Variants in CNTNAP5 observed in about 807,000 individuals in gnomAD.
CNTNAP5 encodes contactin associated protein family member 5.
CNTNAP5 carries 72 observed loss-of-function variants against 150.2 expected under a neutral mutation model. The ratio of observed to expected loss-of-function variants is 0.48; its 90% CI spans 0.40 to 0.58. The LOEUF (loss-of-function observed/expected upper bound fraction) is 0.58, where lower values mean the gene tolerates loss of function less well. Ranked by LOEUF, CNTNAP5 falls within the 20% of genes least tolerant of loss-of-function variation. The probability of loss-of-function intolerance (pLI) is 0.00; values close to 1 mark genes in which losing one functional copy is unlikely to be tolerated. For missense variants in CNTNAP5, 1,636 were observed against 1,626.2 expected (o/e 1.01, Z -0.10); for synonymous variants, 672 against 619.8 (o/e 1.08, Z -1.25).
intron 6 of CNTNAP5, among the ~76,000 whole-genome samples, chr2:124,454,720 A>G (rs1693073852): frequency 1.3e-5 from 2 of 152,146 alleles, no homozygotes; most frequent in South Asian, 4.1e-4. Context: ...AATAAATCTG[A>G]AAATCAACTC....
At chr2:124,773,547 T>G (rs1573607831) in intron 17 of CNTNAP5, among the ~76,000 whole-genome samples, 1 of 152,168 alleles carries the variant, frequency 6.6e-6, no homozygotes, top group Admixed American at 6.6e-5. Flanking sequence ...ATCATAGCAC[T>G]GGGGATCAAC....
chr2:124,347,486 C>T (rs1200977170), intron 3 of CNTNAP5, among the ~76,000 whole-genome samples: 1 of 152,114 alleles, frequency 6.6e-6, no homozygotes, highest in African/African-American at 2.4e-5. Flanking sequence ...GAGCACTAGG[C>T]GGGCAGATTG....
intron 7 of CNTNAP5, among the ~76,000 whole-genome samples, chr2:124,502,712 G>A (rs1694305421): frequency 6.6e-6 from 1 of 152,182 alleles, no homozygotes; most frequent in African/African-American, 2.4e-5. Context: ...ATTCTTGAAA[G>A]GGAATTTACC....
intron 22 of CNTNAP5, among the ~76,000 whole-genome samples, chr2:124,907,903 AT>A (rs2104765242): frequency 6.6e-6 from 1 of 151,524 alleles, no homozygotes; most frequent in East Asian, 1.9e-4. Context: ...ATTAGTTAGA[AT>A]TAACAAGCTG....
chr2:124,422,114 A>G (rs746461582), intron 4 of CNTNAP5, among the ~76,000 whole-genome samples: 3 of 152,218 alleles, frequency 2.0e-5, no homozygotes, highest in Non-Finnish European at 4.4e-5. Context: ...AGATATATCA[A>G]TCCAGCCTCA....
At chr2:124,240,002 GT>G (rs199670115) in intron 2 of CNTNAP5, among the ~76,000 whole-genome samples, 2 of 145,416 alleles carry the variant, frequency 1.4e-5, no homozygotes, top group African/African-American at 2.5e-5. Context: ...TTTATAAACT[GT>G]TTTTTTTCCT....
At chr2:124,249,275 C>T (rs1004834875) in intron 3 of CNTNAP5, among the ~76,000 whole-genome samples, 3 of 152,140 alleles carry the variant, frequency 2.0e-5, no homozygotes, top group African/African-American at 4.8e-5. Context: ...ATTACTCTGC[C>T]GTCTCTTGTG....
chr2:124,330,941 C>A (rs1423934593), intron 3 of CNTNAP5, among the ~76,000 whole-genome samples: 1 of 152,032 alleles, frequency 6.6e-6, no homozygotes, highest in Non-Finnish European at 1.5e-5. Flanking sequence ...AGTTTAGTTC[C>A]TTATAATTAA....
intron 19 of CNTNAP5, among the ~76,000 whole-genome samples, chr2:124,850,892 C>T (rs1683140150): frequency 6.6e-6 from 1 of 152,148 alleles, no homozygotes; most frequent in Non-Finnish European, 1.5e-5. Flanking sequence ...TATCAACATA[C>T]AGTTCATTGG....
intron 10 of CNTNAP5, among the ~76,000 whole-genome samples, chr2:124,540,294 A>T (rs1320703967): frequency 2.0e-5 from 3 of 152,212 alleles, no homozygotes; most frequent in Admixed American, 2.0e-4. Context: ...CTCTAGGTTT[A>T]TAGGTTTGAT....
chr2:124,483,257 T>G (rs1209979353), intron 7 of CNTNAP5, among the ~76,000 whole-genome samples: 1 of 151,900 alleles, frequency 6.6e-6, no homozygotes, highest in Non-Finnish European at 1.5e-5. Flanking sequence ...AAACCTGGAG[T>G]TGCTACATTG....
chr2:124,772,368 A>G (rs1347450707), intron 16 of CNTNAP5, among the ~76,000 whole-genome samples: 1 of 152,200 alleles, frequency 6.6e-6, no homozygotes, highest in African/African-American at 2.4e-5. Context: ...AAATGCTTAT[A>G]TAACATGCAT....
intron 14 of CNTNAP5, among the ~76,000 whole-genome samples, chr2:124,758,693 G>A (rs573440283): frequency 1.3e-5 from 2 of 152,110 alleles, no homozygotes; most frequent in South Asian, 2.1e-4. Context: ...AGAAAAGAAG[G>A]GAAGTAACTA....
At chr2:124,869,502 T>C (rs1211531154) in intron 20 of CNTNAP5, among the ~76,000 whole-genome samples, 173 bp from the exon 21 acceptor site, 1 of 152,130 alleles carries the variant, frequency 6.6e-6, no homozygotes, top group Non-Finnish European at 1.5e-5. Flanking sequence ...AGGGGTATTT[T>C]ATGTGCGTTG....
chr2:124,032,995 G>T (rs1306890047), intron 1 of CNTNAP5, among the ~76,000 whole-genome samples: 1 of 152,124 alleles, frequency 6.6e-6, no homozygotes, highest in Middle Eastern at 3.2e-3. Flanking sequence ...TCTGACAGGG[G>T]GATAAACCAG....
chr2:124,608,168 G>A (rs1159148607), intron 11 of CNTNAP5, among the ~76,000 whole-genome samples: 8 of 152,120 alleles, frequency 5.3e-5, no homozygotes. Flanking sequence ...GCTAGGAGAG[G>A]AGTTGGTACT....
At chr2:124,257,786 G>A (rs1047659644) in intron 3 of CNTNAP5, among the ~76,000 whole-genome samples, 6 of 151,808 alleles carry the variant, frequency 4.0e-5, no homozygotes, top group Non-Finnish European at 8.8e-5. Flanking sequence ...ACTGGATAGA[G>A]TGATTTTGGA....
At chr2:124,304,953 G>A (rs148737930) in intron 3 of CNTNAP5, among the ~76,000 whole-genome samples, 1 of 151,970 alleles carries the variant, frequency 6.6e-6, no homozygotes, top group African/African-American at 2.4e-5. Flanking sequence ...GTTATCCCAG[G>A]AGTAAACAAA....
chr2:124,599,263 C>T (rs1431522382), intron 11 of CNTNAP5, among the ~76,000 whole-genome samples: 2 of 152,160 alleles, frequency 1.3e-5, no homozygotes, highest in African/African-American at 4.8e-5. Flanking sequence ...ATATAGTTTC[C>T]CAATTATCTC....
Sources: gnomAD v4.1 joint callset for allele counts (sites outside exome capture counted in the v4.1 genomes callset) on GRCh38, gnomAD v4.1.1 for gene constraint, MANE v1.5 for transcripts, NCBI Gene and HGNC (gene_info 2026-07-23, HGNC 2026-07-21) for gene names.